TRAM1: variants seen among roughly 807,000 people sequenced by gnomAD.
TRAM1 encodes the protein translocation associated membrane protein 1.
Under a neutral mutation model 48.7 loss-of-function variants are expected in TRAM1, and 17 were observed. The observed-to-expected ratio is 0.35, with a 90% CI of 0.24 to 0.52. The LOEUF (loss-of-function observed/expected upper bound fraction) is 0.52. Ranked by LOEUF, TRAM1 falls within the 20% of genes least tolerant of loss-of-function variation. TRAM1 has a pLI of 0.94. For synonymous variants in TRAM1, 182 were observed against 154.0 expected (o/e 1.18, Z -1.34); for missense variants, 351 against 441.5 (o/e 0.79, Z 1.84).
intron 1 of TRAM1, among the ~76,000 whole-genome samples, chr8:70,605,504 A>T (rs1817699709): frequency 6.6e-6 from 1 of 152,170 alleles, no homozygotes; most frequent in South Asian, 2.1e-4. Context: ...ACATTTCCTC[A>T]ATGTATCTGC....
chr8:70,606,791 G>A (rs1339586122), intron 1 of TRAM1: 7 of 672,596 alleles, frequency 1.0e-5, no homozygotes, highest in Non-Finnish European at 1.1e-5. Flanking sequence ...CATTTGATGA[G>A]AGGCGAAAAT....
In TRAM1 at chr8:70,574,760, C is replaced by A; in HGVS notation, c.*172G>T. ...TCTAAGCTAAAATATTTTTTTCATT[C>A]ATAGCAATAATCCTCCCCTCAAATG... On this transcript the variant is annotated 3_prime_UTR_variant, in exon 11 of 11. Transcript: ENST00000262213. The A allele has an allele frequency of 1.9e-6, 1 of 525,928 alleles. No individual in the cohort carries two copies. The allele number at this position is 525,928 out of a possible 1,614,324, so 32.6% of individuals were successfully genotyped here.
intron 6 of TRAM1, among the ~76,000 whole-genome samples, chr8:70,588,233 C>T (rs555545532): frequency 1.5e-4 from 23 of 152,134 alleles, no homozygotes; most frequent in South Asian, 2.1e-4. Context: ...AAAAGACCTA[C>T]TAGTGGATCA....
chr8:70,603,448 G>T (rs963901395), intron 1 of TRAM1, among the ~76,000 whole-genome samples: 2 of 152,016 alleles, frequency 1.3e-5, no homozygotes, highest in Non-Finnish European at 2.9e-5. Context: ...CAGGTGTGAT[G>T]GCTCACACCT....
chr8:70,606,706 CTCCTTAG>C (rs200263589), intron 1 of TRAM1, among the ~76,000 whole-genome samples: 3,385 of 152,146 alleles, frequency 0.022, 48 homozygotes, highest in Middle Eastern at 0.037. Flanking sequence ...TACCTGCTAC[CTCCTTAG>C]CAGTGGTTTC....
intron 10 of TRAM1, among the ~76,000 whole-genome samples, chr8:70,581,015 G>A (rs1443121439): frequency 6.6e-6 from 1 of 152,178 alleles, no homozygotes; most frequent in Non-Finnish European, 1.5e-5. Flanking sequence ...ACTCTGCAAA[G>A]CAACCTACAA....
At chr8:70,606,815 T>C (rs1300766447) in intron 1 of TRAM1, 7 of 830,560 alleles carry the variant, frequency 8.4e-6, no homozygotes, top group Non-Finnish European at 8.7e-6. Flanking sequence ...GTTAAAATAT[T>C]ATTTAATTTT....
At chr8:70,602,909 T>TA (rs1307545918) in intron 1 of TRAM1, among the ~76,000 whole-genome samples, 1 of 152,094 alleles carries the variant, frequency 6.6e-6, no homozygotes, top group African/African-American at 2.4e-5. Flanking sequence ...AGCACTGACT[T>TA]ATGAGTACTA....
intron 6 of TRAM1, among the ~76,000 whole-genome samples, chr8:70,591,502 C>G (rs1226413195): frequency 6.6e-6 from 1 of 152,132 alleles, no homozygotes. Context: ...ACAGAGAAGG[C>G]TGGGTGAAAT....
rs568519715 is a variant in TRAM1 at position 70,588,057 on chromosome 8, A to C, written c.571-881T>G. On this transcript the variant is annotated intron_variant, in intron 6 of 10. Transcript: ENST00000262213. ...CACAGCAAGACCCTGTCTCTACAAA[A>C]ACTACAATTAGCTAGGCGTGGTGGT... Among the ~76,000 whole-genome samples the C allele has an allele frequency of 2.9e-4, 44 of 152,154 alleles. No homozygotes were observed. In the South Asian group the frequency reaches 9.2e-3, roughly 32 times the overall value.
intron 10 of TRAM1, 148 bp downstream of exon 10, chr8:70,583,016 A>C (rs1170358566): frequency 1.2e-6 from 1 of 854,714 alleles, no homozygotes; most frequent in Non-Finnish European, 1.7e-6. Context: ...TGTGGAATGC[A>C]GTAAGATTAC....
chr8:70,608,250 C>A lies in TRAM1; in HGVS notation c.-51G>T. 1.3e-6 allele frequency: 2 copies of A among 1,518,896 alleles called. No individual in the cohort carries two copies. Among genetic ancestry groups the A allele is most frequent in the South Asian group, 1.2e-5 (1 of 82,622 alleles). The allele number at this position is 1,518,896 out of a possible 1,614,324, so 94.1% of individuals were successfully genotyped here. Reference sequence around the variant, plus strand: ...GGTGCTCCGCCCCGGTTCTGCTCTTCCCAGCTGCTCACCGACTCGCCGCCG... The same window carrying A: ...GGTGCTCCGCCCCGGTTCTGCTCTTACCAGCTGCTCACCGACTCGCCGCCG... On this transcript the variant is annotated 5_prime_UTR_variant, in exon 1 of 11. Transcript: ENST00000262213.
chr8:70,607,855 G>C (rs1216744805), intron 1 of TRAM1: 1 of 419,116 alleles, frequency 2.4e-6, no homozygotes, highest in Non-Finnish European at 3.9e-6. Context: ...TGCGGGCCGC[G>C]ATGAGGCCCA....
intron 8 of TRAM1, 27 bp downstream of exon 8, chr8:70,586,868 G>A (rs1253657900): frequency 1.3e-6 from 2 of 1,586,732 alleles, no homozygotes; most frequent in Non-Finnish European, 1.7e-6. Context: ...CCTAGTACAC[G>A]AGAAATAGAA....
chr8:70,587,270 C>A, intron 6 of TRAM1, 94 bp from the exon 7 acceptor site: 1 of 1,296,050 alleles, frequency 7.7e-7, no homozygotes, highest in South Asian at 1.4e-5. Context: ...CCAGGTTGGT[C>A]TCAAAACCTT....
intron 8 of TRAM1, among the ~76,000 whole-genome samples, chr8:70,585,988 G>C (rs1403016000): frequency 6.6e-6 from 1 of 150,656 alleles, no homozygotes; most frequent in Non-Finnish European, 1.5e-5. Context: ...GTTTATTGCG[G>C]CACTATTCAC....
At chr8:70,596,219 G>A (rs760729398) in intron 5 of TRAM1, 44 bp downstream of exon 5, 1 of 1,457,802 alleles carries the variant, frequency 6.9e-7, no homozygotes, top group African/African-American at 1.5e-5. Flanking sequence ...ATAGTGACAT[G>A]ACCATGGTCC....
At chr8:70,598,782 A>G (rs1181686463) in intron 2 of TRAM1, among the ~76,000 whole-genome samples, 1 of 152,246 alleles carries the variant, frequency 6.6e-6, no homozygotes, top group Non-Finnish European at 1.5e-5. Context: ...TTTTCAAAAC[A>G]AATCTTTATC....
At chr8:70,585,576 C>A (rs1817192698) in intron 8 of TRAM1, among the ~76,000 whole-genome samples, 2 of 62,448 alleles carry the variant, frequency 3.2e-5, no homozygotes, top group Non-Finnish European at 1.1e-4. Flanking sequence ...AACAAATTTA[C>A]AAGAAAAAAA....
Sources: gnomAD v4.1 joint callset for allele counts (sites outside exome capture counted in the v4.1 genomes callset) on GRCh38, gnomAD v4.1.1 for gene constraint, MANE v1.5 for transcripts, NCBI Gene and HGNC (gene_info 2026-07-23, HGNC 2026-07-21) for gene names.